Variants in ELF1 observed in about 807,000 individuals in gnomAD.
ELF1 encodes E74 like ETS transcription factor 1.
A neutral mutation model predicts 59.9 loss-of-function variants in ELF1; 24 were observed. That is an observed-to-expected ratio of 0.40 (90% CI 0.29 to 0.56). ELF1 has a LOEUF of 0.56. Among genes scored for constraint, ELF1 ranks in the 20% least tolerant of loss-of-function variants. ELF1 has a pLI of 0.44. For synonymous variants in ELF1, 248 were observed against 266.2 expected (o/e 0.93, Z 0.67); for missense variants, 627 against 742.2 (o/e 0.84, Z 1.80).
intron 1 of ELF1, among the ~76,000 whole-genome samples, chr13:41,040,768 C>G (rs745778883): frequency 6.6e-6 from 1 of 152,166 alleles, no homozygotes; most frequent in Non-Finnish European, 1.5e-5. Flanking sequence ...CGGATGGGTA[C>G]AAGTCTGCAG....
At chr13:41,055,639 A>G (rs1041631112) in intron 1 of ELF1, among the ~76,000 whole-genome samples, 2 of 152,128 alleles carry the variant, frequency 1.3e-5, no homozygotes, top group Non-Finnish European at 2.9e-5. Context: ...CATTTGTGGA[A>G]CTAACTAGGA....
At position 40,943,911 on chromosome 13, in the gene ELF1, G is replaced by A; in HGVS notation, c.544C>T (p.Pro182Ser). 6.2e-7 allele frequency: 1 copy of A among 1,613,520 alleles called. No homozygotes were observed. Among genetic ancestry groups the A allele is most frequent in the Non-Finnish European group, 8.5e-7 (1 of 1,179,710 alleles). Residue 182 changes from proline (P) to serine (S), a missense_variant, in exon 6 of 9, where the codon CCA (proline) becomes TCA (serine). Transcript: ENST00000239882. ...PKRKKGRKTK[P>S]PRPDSPATTP... ...GTGGCTGGGGAATCTGGTCGTGGTG[G>A]TTTAGTTTTTCTTCCTGAAATAAAA...
chr13:40,980,810 ATATT>A (rs546863495), intron 2 of ELF1, among the ~76,000 whole-genome samples: 3 of 152,148 alleles, frequency 2.0e-5, no homozygotes, highest in Non-Finnish European at 4.4e-5. Context: ...TTCCTAAAAT[ATATT>A]TTGTATTGTC....
At chr13:41,035,033 G>A (rs1301458192) in intron 1 of ELF1, among the ~76,000 whole-genome samples, 1 of 152,170 alleles carries the variant, frequency 6.6e-6, no homozygotes, top group Non-Finnish European at 1.5e-5. Flanking sequence ...TCCTCACTGT[G>A]TCATTAAAAG....
At chr13:40,987,921 C>T (rs749397796) in intron 1 of ELF1, among the ~76,000 whole-genome samples, 1 of 151,716 alleles carries the variant, frequency 6.6e-6, no homozygotes, top group Admixed American at 6.6e-5. Flanking sequence ...ATGCAATATT[C>T]GGAAAAACCA....
At chr13:40,951,496 C>A in intron 3 of ELF1, 60 bp from the exon 4 acceptor site, 1 of 1,322,794 alleles carries the variant, frequency 7.6e-7, no homozygotes, top group South Asian at 1.2e-5. Context: ...CTCTGAAAGT[C>A]ATACACCGCT....
intron 2 of ELF1, among the ~76,000 whole-genome samples, chr13:40,963,867 C>G (rs981697412): frequency 2.6e-5 from 4 of 151,896 alleles, no homozygotes; most frequent in Admixed American, 2.0e-4. Flanking sequence ...GATCGCACCA[C>G]TGCACTCCAA....
intron 2 of ELF1, among the ~76,000 whole-genome samples, chr13:40,980,481 T>C (rs1311901557): frequency 1.3e-5 from 2 of 152,202 alleles, no homozygotes; most frequent in Non-Finnish European, 2.9e-5. Flanking sequence ...AAGTATATCA[T>C]ACATAGTAAG....
At chr13:40,984,362 C>G (rs567004225) in intron 1 of ELF1, among the ~76,000 whole-genome samples, 1 of 152,266 alleles carries the variant, frequency 6.6e-6, no homozygotes, top group South Asian at 2.1e-4. Context: ...ACTACACATT[C>G]AAGACCAACC....
intron 2 of ELF1, among the ~76,000 whole-genome samples, chr13:40,965,639 AT>A (rs1363910810): frequency 9.9e-5 from 15 of 152,104 alleles, no homozygotes; most frequent in African/African-American, 3.6e-4. Context: ...AAAAAAAGAA[AT>A]GAAGGTTTCA....
Position 41,060,825 on chromosome 13 carries a change from T to C in ELF1, c.-229+13A>G, listed in dbSNP as rs975379381. The C allele has an allele frequency of 2.1e-5, 5 of 237,360 alleles. No homozygotes were observed. The East Asian group carries it at 4.5e-4, about 21-fold the overall frequency. 14.7% of individuals were successfully genotyped at this position (237,360 alleles called of 1,614,324 possible). A position where few individuals can be genotyped will look rare whatever the true frequency, so the allele number is the denominator to read the frequency against. ...CCATATGGGAAGTGCTATGAGAAAC[T>C]GCCGTGACCCACCTGACAAGCATAA... On this transcript the variant is annotated intron_variant, in intron 1 of 1. Coordinates refer to the ELF1 transcript ENST00000405737.
At chr13:40,982,938 CAGGA>C (rs1873361855) in intron 1 of ELF1, 1 of 935,044 alleles carries the variant, frequency 1.1e-6, no homozygotes, top group Non-Finnish European at 1.3e-6. Flanking sequence ...TTGCAAGCAA[CAGGA>C]AGGAAACAGC....
At chr13:40,934,958 C>G (rs571620428) in intron 8 of ELF1, among the ~76,000 whole-genome samples, 9 of 152,158 alleles carry the variant, frequency 5.9e-5, no homozygotes, top group Non-Finnish European at 1.2e-4. Flanking sequence ...TGTCAGGGCT[C>G]TTGGACTGGT....
rs930860271 is a variant in ELF1 at position 40,963,428 on chromosome 13, T to C, written c.73-4412A>G. 5.9e-5 allele frequency among the ~76,000 whole-genome samples: 9 copies of C among 152,210 alleles called. No homozygotes were observed. The East Asian group carries it at 1.7e-3, about 29-fold the overall frequency. On this transcript the variant is annotated intron_variant, in intron 2 of 8. Coordinates refer to ENST00000239882, the MANE Select transcript of ELF1 (RefSeq NM_172373.4). ...TTGGTCAGCAGGGCACTTCCCAGGA[T>C]CACTCCTAATTTAGTCCTACAGCCT...
chr13:41,027,796 G>C lies in ELF1; in HGVS notation c.-229+33042C>G, dbSNP rs9562265. On this transcript the variant is annotated intron_variant, in intron 1 of 1. Coordinates refer to the ELF1 transcript ENST00000405737. ...GTGGGGTAATGGGCTCAAGCTCATG[G>C]AATTCATTGGTCTTACCATGTTCCC... Among the ~76,000 whole-genome samples the C allele has an allele frequency of 2.7e-3, 404 of 152,306 alleles. 6 individuals carry two copies. In the East Asian group the frequency reaches 0.048, roughly 18 times the overall value.
chr13:41,032,275 T>A (rs894964271), intron 1 of ELF1, among the ~76,000 whole-genome samples: 3 of 151,384 alleles, frequency 2.0e-5, no homozygotes, highest in African/African-American at 7.3e-5. Context: ...TGGAGTGCAA[T>A]GGTGCGATCT....
intron 1 of ELF1, among the ~76,000 whole-genome samples, chr13:41,057,409 C>CT (rs1269617125): frequency 2.0e-5 from 3 of 151,584 alleles, no homozygotes; most frequent in Non-Finnish European, 4.4e-5. Context: ...TTCCCCCCAC[C>CT]CCGAGATGGA....
intron 1 of ELF1, among the ~76,000 whole-genome samples, chr13:41,037,574 A>C (rs1876435580): frequency 6.6e-6 from 1 of 152,154 alleles, no homozygotes; most frequent in Admixed American, 6.5e-5. Context: ...AGGCGGATGG[A>C]TCATGAGGTC....
Position 40,932,776 on chromosome 13 carries a change from G to C in ELF1, c.*649C>G, listed in dbSNP as rs1869491447. ...CAATACATCTCTTCCTTTTATGAGA[G>C]GAACTAAAGCCCAAAGAGGTCAAGA... On this transcript the variant is annotated 3_prime_UTR_variant, in exon 9 of 9. Coordinates refer to ENST00000239882, the MANE Select transcript of ELF1 (RefSeq NM_172373.4). 6.6e-6 allele frequency: 1 copy of C among 152,198 alleles called. No homozygotes were observed. The highest frequency in any genetic ancestry group is 1.5e-5 in the Non-Finnish European group (1 of 68,042). The allele number at this position is 152,198 out of a possible 1,614,324, so 9.4% of individuals were successfully genotyped here. A position where few individuals can be genotyped will look rare whatever the true frequency, so the allele number is the denominator to read the frequency against.
Sources: allele counts gnomAD v4.1 joint callset (sites outside exome capture counted in the v4.1 genomes callset), GRCh38; gene constraint gnomAD v4.1.1; transcripts MANE v1.5; gene names NCBI Gene and HGNC (gene_info 2026-07-23, HGNC 2026-07-21).